ACER2: variants seen among roughly 807,000 people sequenced by gnomAD.
ACER2 encodes alkaline ceramidase 2.
Under a neutral mutation model 34.7 loss-of-function variants are expected in ACER2, and 26 were observed. The ratio of observed to expected loss-of-function variants is 0.75; its 90% CI spans 0.55 to 1.04. ACER2 has a LOEUF of 1.04. ACER2 is among the 50% of genes least tolerant of loss of function. The probability of loss-of-function intolerance (pLI) is 0.00; values close to 1 mark genes in which losing one functional copy is unlikely to be tolerated. For synonymous variants in ACER2, 138 were observed against 132.1 expected, an observed-to-expected ratio of 1.04 and a Z score of -0.31; for missense variants, 352 against 340.8, an observed-to-expected ratio of 1.03 and a Z score of -0.26.
intron 1 of ACER2, among the ~76,000 whole-genome samples, chr9:19,415,224 C>A (rs1486569476): frequency 6.6e-6 from 1 of 152,142 alleles, no homozygotes; most frequent in East Asian, 1.9e-4. Context: ...GGTGTGGTGG[C>A]TTATGCCTGT....
rs115184046 is a variant in ACER2 at position 19,424,993 on chromosome 9, C to G, written c.365+152C>G. On this transcript the variant is annotated intron_variant, in intron 3 of 5. Coordinates refer to ENST00000340967, the MANE Select transcript of ACER2 (RefSeq NM_001010887.3). ...AATATCTACTGATTGTTTTTATGAT[C>G]TGACAATATAAGTAAACTGACAGAT... The G allele has an allele frequency of 2.0e-3, 2,147 of 1,093,958 alleles. 28 individuals carry two copies. The African/African-American group carries it at 0.029, about 15-fold the overall frequency. 67.8% of individuals were successfully genotyped at this position (1,093,958 alleles called of 1,614,324 possible).
chr9:19,411,594 C>T (rs1830090009), intron 1 of ACER2, among the ~76,000 whole-genome samples: 1 of 152,156 alleles, frequency 6.6e-6, no homozygotes. Flanking sequence ...AGGACATTCC[C>T]ATGCTTATCT....
chr9:19,428,412 C>T (rs1317048785), intron 3 of ACER2, among the ~76,000 whole-genome samples: 1 of 152,100 alleles, frequency 6.6e-6, no homozygotes, highest in African/African-American at 2.4e-5. Flanking sequence ...AGGTGATCTG[C>T]CTGCCTTGGC....
chr9:19,444,385 T>A (rs981919894), intron 4 of ACER2, among the ~76,000 whole-genome samples: 3 of 151,986 alleles, frequency 2.0e-5, no homozygotes, highest in African/African-American at 7.3e-5. Flanking sequence ...CTAATTTTTT[T>A]GTATTTTTAG....
At chr9:19,415,223 G>C (rs926957222) in intron 1 of ACER2, among the ~76,000 whole-genome samples, 2 of 152,184 alleles carry the variant, frequency 1.3e-5, no homozygotes, top group Non-Finnish European at 2.9e-5. Flanking sequence ...AGGTGTGGTG[G>C]CTTATGCCTG....
intron 3 of ACER2, among the ~76,000 whole-genome samples, chr9:19,430,764 C>A (rs572060661): frequency 6.6e-6 from 1 of 152,124 alleles, no homozygotes; most frequent in South Asian, 2.1e-4. Context: ...TTGAGACTAG[C>A]CTGGCCAGCA....
At chr9:19,444,361 G>A (rs1159993936) in intron 4 of ACER2, among the ~76,000 whole-genome samples, 3 of 151,694 alleles carry the variant, frequency 2.0e-5, no homozygotes, top group South Asian at 2.1e-4. Flanking sequence ...ACAGGCGCCC[G>A]CCACCACGCC....
chr9:19,424,882 C>T (rs182803423), intron 3 of ACER2, 41 bp downstream of exon 3: 1,156 of 1,611,634 alleles, frequency 7.2e-4, no homozygotes, highest in Non-Finnish European at 9.4e-4. Context: ...CCACTAGGTG[C>T]AGTACCCAAT....
At chr9:19,409,249 C>T (rs1830010487) in intron 1 of ACER2, 57 bp downstream of exon 1, 4 of 1,503,748 alleles carry the variant, frequency 2.7e-6, no homozygotes, top group Non-Finnish European at 3.6e-6. Context: ...GCTGTTCCCG[C>T]GCCGCAGCGT....
chr9:19,412,864 T>G (rs1450477653), intron 1 of ACER2, among the ~76,000 whole-genome samples: 2 of 152,208 alleles, frequency 1.3e-5, no homozygotes, highest in Admixed American at 6.5e-5. Flanking sequence ...CATAATTTAT[T>G]TATCTAATCA....
chr9:19,414,055 T>G (rs968429917), intron 1 of ACER2, among the ~76,000 whole-genome samples: 1 of 152,104 alleles, frequency 6.6e-6, no homozygotes, highest in African/African-American at 2.4e-5. Context: ...TGATGTACTG[T>G]GAGGATAGGG....
intron 3 of ACER2, among the ~76,000 whole-genome samples, chr9:19,433,973 G>T (rs564157245): frequency 6.6e-6 from 1 of 151,392 alleles, no homozygotes; most frequent in Non-Finnish European, 1.5e-5. Flanking sequence ...CCTCCCTCCC[G>T]GACGGGGTGG....
In ACER2 at chr9:19,451,779, T is replaced by C. The variant is rs1482279833; in HGVS notation, c.*1143T>C. On this transcript the variant is annotated 3_prime_UTR_variant, in exon 6 of 6. Transcript: ENST00000340967. ...TTCAAAATTTGGAGCAAACATGAAG[T>C]TTTTGGAAACGTTTTCTCATTTGAA... The C allele has an allele frequency of 6.6e-6, 1 of 152,114 alleles. No homozygotes were observed. The highest frequency in any genetic ancestry group is 2.4e-5 in the African/African-American group (1 of 41,404). 9.4% of individuals were successfully genotyped at this position (152,114 alleles called of 1,614,324 possible).
intron 3 of ACER2, among the ~76,000 whole-genome samples, chr9:19,433,855 C>T (rs1376900693): frequency 1.3e-5 from 2 of 150,308 alleles, no homozygotes; most frequent in East Asian, 2.0e-4. Flanking sequence ...CCAGTAGGGG[C>T]GGTCGGGCAG....
chr9:19,432,739 A>C (rs997365895), intron 3 of ACER2, among the ~76,000 whole-genome samples: 2 of 147,908 alleles, frequency 1.4e-5, no homozygotes, highest in Admixed American at 1.4e-4. Context: ...TTACACATAT[A>C]TATAAATATA....
chr9:19,435,198 T>A, intron 4 of ACER2, 114 bp downstream of exon 4: 1 of 1,332,518 alleles, frequency 7.5e-7, no homozygotes, highest in Non-Finnish European at 1.0e-6. Flanking sequence ...TGTGAAGAGT[T>A]AGTTGCTGAC....
intron 3 of ACER2, among the ~76,000 whole-genome samples, chr9:19,426,047 A>G (rs909094664): frequency 6.6e-6 from 1 of 152,008 alleles, no homozygotes; most frequent in Non-Finnish European, 1.5e-5. Flanking sequence ...ATATAATTCT[A>G]TGTGTGATAT....
chr9:19,412,360 C>T (rs992184851), intron 1 of ACER2, among the ~76,000 whole-genome samples: 1 of 152,052 alleles, frequency 6.6e-6, no homozygotes, highest in African/African-American at 2.4e-5. Flanking sequence ...ATATAAAATA[C>T]GCATGTATAA....
intron 4 of ACER2, among the ~76,000 whole-genome samples, chr9:19,440,880 T>C (rs867949516): frequency 5.3e-5 from 8 of 152,266 alleles, no homozygotes; most frequent in Non-Finnish European, 8.8e-5. Flanking sequence ...CAAATTCAAC[T>C]TGACCAAACC....
Sources: allele counts gnomAD v4.1 joint callset (sites outside exome capture counted in the v4.1 genomes callset), GRCh38; gene constraint gnomAD v4.1.1; transcripts MANE v1.5; gene names NCBI Gene and HGNC (gene_info 2026-07-23, HGNC 2026-07-21).